Variants in CR1L observed in about 807,000 individuals in gnomAD.
CR1L encodes complement C3b/C4b receptor 1 like.
A neutral mutation model predicts 62.3 loss-of-function variants in CR1L; 59 were observed. That is an observed-to-expected ratio of 0.95 (90% CI 0.77 to 1.18). CR1L has a LOEUF of 1.18. Among genes scored for constraint, CR1L ranks in the 50% most tolerant of loss-of-function variants. The pLI, the probability that CR1L is intolerant of heterozygous loss-of-function variation, is 0.00. For missense variants in CR1L, 700 were observed against 702.8 expected (o/e 1.00, Z 0.04); for synonymous variants, 279 against 248.7 (o/e 1.12, Z -1.15).
chr1:207,712,160 G>A (rs762389820), intron 10 of CR1L, among the ~76,000 whole-genome samples: 1 of 152,200 alleles, frequency 6.6e-6, no homozygotes, highest in Non-Finnish European at 1.5e-5. Flanking sequence ...GGGCATGCCT[G>A]TCCCCAAACA....
At chr1:207,663,744 G>T (rs920356190) in intron 1 of CR1L, among the ~76,000 whole-genome samples, 2 of 104,100 alleles carry the variant, frequency 1.9e-5, no homozygotes, top group African/African-American at 5.5e-5. Flanking sequence ...GTAGACTGGA[G>T]CTGTTCCTAT....
chr1:207,680,681 T>G (rs1663781767), intron 3 of CR1L, among the ~76,000 whole-genome samples: 1 of 152,188 alleles, frequency 6.6e-6, no homozygotes, highest in African/African-American at 2.4e-5. Flanking sequence ...TTCTGAGCCA[T>G]GAGAAGACTG....
intron 4 of CR1L, among the ~76,000 whole-genome samples, chr1:207,691,236 T>A (rs977388881): frequency 6.6e-6 from 1 of 152,232 alleles, no homozygotes; most frequent in Non-Finnish European, 1.5e-5. Flanking sequence ...TTTATCATAA[T>A]GAAATGTCTC....
At position 207,650,467 on chromosome 1, in the gene CR1L, G is replaced by C. The variant is rs1345718462; in HGVS notation, c.97+5137G>C. On this transcript the variant is annotated intron_variant, in intron 1 of 11. Transcript: ENST00000508064. ...AGACTGTTAGGAGGAGTTTAACAAG[G>C]AGGAGGCCCTTTAATGACTCAGAAA... Among the ~76,000 whole-genome samples the C allele has an allele frequency of 4.6e-5, 7 of 152,274 alleles. No homozygotes were observed. In the East Asian group the frequency reaches 1.2e-3, roughly 25 times the overall value.
chr1:207,722,528 C>A (rs1476248707), intron 11 of CR1L, among the ~76,000 whole-genome samples: 1 of 150,774 alleles, frequency 6.6e-6, no homozygotes, highest in Non-Finnish European at 1.5e-5. Flanking sequence ...TTTCTGAGGG[C>A]TCTGTTCTGT....
intron 9 of CR1L, among the ~76,000 whole-genome samples, chr1:207,702,723 C>T (rs114175569): frequency 0.049 from 7,443 of 152,290 alleles, 248 homozygotes; most frequent in Middle Eastern, 0.075. Context: ...AAAGCCTAAT[C>T]CTGAGCAAGG....
rs1242985493 is a variant in CR1L at position 207,683,000 on chromosome 1, C to T, written c.378-872C>T. Among the ~76,000 whole-genome samples, 142 of 133,004 alleles carry T rather than the reference C, an allele frequency of 1.1e-3. No homozygotes were observed. In the Middle Eastern group the frequency reaches 0.016, roughly 15 times the overall value. 87.3% of individuals were successfully genotyped at this position (133,004 alleles called of 152,430 possible). A position where few individuals can be genotyped will look rare whatever the true frequency, so the allele number is the denominator to read the frequency against. Reference sequence around the variant, plus strand: ...TCTTTCTTTCTTTCTTTTTTTCTTTCTTTCTTTCTTTTTCTTTCTTTCTTT... The same window carrying T: ...TCTTTCTTTCTTTCTTTTTTTCTTTTTTTCTTTCTTTTTCTTTCTTTCTTT... On this transcript the variant is annotated intron_variant, in intron 3 of 11. Transcript: ENST00000508064.
intron 1 of CR1L, among the ~76,000 whole-genome samples, chr1:207,659,895 C>T (rs1429550569): frequency 2.0e-5 from 3 of 152,352 alleles, no homozygotes; most frequent in African/African-American, 7.2e-5. Context: ...GAGCCTTGCT[C>T]GCTGCTAGTG....
chr1:207,690,566 C>T (rs1663981137), intron 4 of CR1L, among the ~76,000 whole-genome samples: 2 of 152,212 alleles, frequency 1.3e-5, no homozygotes, highest in Middle Eastern at 3.2e-3. Context: ...TCTCCCTCCA[C>T]TTGTTCTCTC....
chr1:207,679,839 G>T (rs1186075428), intron 3 of CR1L, among the ~76,000 whole-genome samples: 2 of 152,124 alleles, frequency 1.3e-5, no homozygotes, highest in Non-Finnish European at 2.9e-5. Flanking sequence ...CTATTACTAA[G>T]TGAAAGAAGC....
intron 3 of CR1L, among the ~76,000 whole-genome samples, chr1:207,680,393 G>T (rs1402267746): frequency 6.6e-6 from 1 of 152,114 alleles, no homozygotes; most frequent in African/African-American, 2.4e-5. Flanking sequence ...AAAACTGGTG[G>T]ATCATACCTG....
At chr1:207,691,579 T>C (rs1663996884) in intron 4 of CR1L, among the ~76,000 whole-genome samples, 1 of 152,132 alleles carries the variant, frequency 6.6e-6, no homozygotes, top group Non-Finnish European at 1.5e-5. Context: ...TGTGCCTTTA[T>C]TCCTCATTTC....
chr1:207,707,554 G>T (rs1328245497), intron 9 of CR1L, among the ~76,000 whole-genome samples: 1 of 152,100 alleles, frequency 6.6e-6, no homozygotes, highest in Non-Finnish European at 1.5e-5. Flanking sequence ...CTTGAACTCG[G>T]GAGGCAGAGG....
chr1:207,701,488 A>C (rs371765999), intron 8 of CR1L, 31 bp from the exon 9 acceptor site: 2 of 1,612,536 alleles, frequency 1.2e-6, no homozygotes, highest in Non-Finnish European at 1.7e-6. Flanking sequence ...AGATTACTCT[A>C]CCTGGCTCCA....
chr1:207,662,853 T>C (rs1442655571), intron 1 of CR1L, among the ~76,000 whole-genome samples: 1 of 152,236 alleles, frequency 6.6e-6, no homozygotes, highest in Non-Finnish European at 1.5e-5. Context: ...GTTTGTTAGT[T>C]TTCCTTCTAA....
At position 207,694,591 on chromosome 1, in the gene CR1L, T is replaced by A; in HGVS notation, c.702T>A (p.Asn234Lys). The stretch of plus-strand genomic sequence containing the variant: ...TACCTAACAAATGCACGCCTCCAAA[T>A]GTGGAAAATGGAATATTGGTATCTG... Reference protein sequence around the residue: ...CIIPNKCTPPNVENGILVSDN... With the variant: ...CIIPNKCTPPKVENGILVSDN... Residue 234 changes from asparagine to lysine, a missense_variant, in exon 5 of 12, where the codon AAT becomes AAA. Transcript: ENST00000508064. The A allele has an allele frequency of 6.2e-7, 1 of 1,611,988 alleles. No individual in the cohort carries two copies. The highest frequency in any genetic ancestry group is 8.5e-7 in the Non-Finnish European group (1 of 1,179,730).
At chr1:207,716,321 C>G (rs1417828541) in intron 10 of CR1L, among the ~76,000 whole-genome samples, 2 of 151,818 alleles carry the variant, frequency 1.3e-5, no homozygotes, top group East Asian at 3.9e-4. Flanking sequence ...TGGAAGGAGC[C>G]GGGATGACGA....
intron 9 of CR1L, among the ~76,000 whole-genome samples, chr1:207,704,201 A>C (rs1664235647): frequency 6.6e-6 from 1 of 152,230 alleles, no homozygotes; most frequent in Non-Finnish European, 1.5e-5. Context: ...TCAAGACTTC[A>C]GCGGAGGAAA....
intron 1 of CR1L, among the ~76,000 whole-genome samples, chr1:207,655,619 G>T (rs892959846): frequency 6.6e-6 from 1 of 152,046 alleles, no homozygotes; most frequent in African/African-American, 2.4e-5. Context: ...TGTAACTTTT[G>T]TAGAGACGTG....
Sources: allele counts gnomAD v4.1 joint callset (sites outside exome capture counted in the v4.1 genomes callset), GRCh38; gene constraint gnomAD v4.1.1; transcripts MANE v1.5; gene names NCBI Gene and HGNC (gene_info 2026-07-23, HGNC 2026-07-21).